PAPPA2: variants seen among roughly 807,000 people sequenced by gnomAD.
PAPPA2 encodes the protein pappalysin 2.
In PAPPA2, 86 loss-of-function variants were observed where a neutral mutation model predicts 176.4. The observed-to-expected ratio is 0.49, with a 90% CI of 0.41 to 0.58. The LOEUF (loss-of-function observed/expected upper bound fraction) is 0.58. Ranked by LOEUF, PAPPA2 falls within the 20% of genes least tolerant of loss-of-function variation. PAPPA2 has a pLI of 0.00. For synonymous variants in PAPPA2, 809 were observed against 852.2 expected (o/e 0.95, Z 0.88); for missense variants, 2,073 against 2,256.9 (o/e 0.92, Z 1.65).
chr1:176,760,776 A>G (rs911724920), intron 14 of PAPPA2, among the ~76,000 whole-genome samples: 5 of 152,118 alleles, frequency 3.3e-5, no homozygotes, highest in Non-Finnish European at 7.4e-5. Context: ...ATACATTTTG[A>G]ACAAAAATTC....
intron 8 of PAPPA2, among the ~76,000 whole-genome samples, chr1:176,701,636 A>T (rs1292720584): frequency 6.6e-6 from 1 of 152,166 alleles, no homozygotes; most frequent in African/African-American, 2.4e-5. Flanking sequence ...GCATCAGCTG[A>T]GGGAGTGGAG....
At chr1:176,526,058 C>CACTATA (rs1649486634) in intron 1 of PAPPA2, among the ~76,000 whole-genome samples, 1 of 152,144 alleles carries the variant, frequency 6.6e-6, no homozygotes, top group African/African-American at 2.4e-5. Context: ...TACCCTGTTG[C>CACTATA]CTCTCCTTGG....
intron 1 of PAPPA2, among the ~76,000 whole-genome samples, chr1:176,496,351 G>A (rs898883021): frequency 6.6e-6 from 1 of 152,108 alleles, no homozygotes; most frequent in Admixed American, 6.6e-5. Context: ...TTACATAGAG[G>A]TTTGAGGGGC....
intron 1 of PAPPA2, among the ~76,000 whole-genome samples, chr1:176,537,086 C>G (rs1292041216): frequency 6.6e-6 from 1 of 152,166 alleles, no homozygotes; most frequent in Non-Finnish European, 1.5e-5. Context: ...CCATTCATGG[C>G]CCCATTGAGG....
chr1:176,489,970 C>T (rs987183404), intron 1 of PAPPA2, among the ~76,000 whole-genome samples: 7 of 152,204 alleles, frequency 4.6e-5, no homozygotes, highest in East Asian at 1.9e-4. Flanking sequence ...ATTTGTGAAA[C>T]GACTTCAGAC....
At chr1:176,653,664 C>A (rs917919281) in intron 3 of PAPPA2, among the ~76,000 whole-genome samples, 2 of 151,578 alleles carry the variant, frequency 1.3e-5, no homozygotes, top group African/African-American at 2.4e-5. Flanking sequence ...CCCTTTCCTC[C>A]TTATAATCTT....
intron 3 of PAPPA2, 21 bp from the exon 4 acceptor site, chr1:176,670,949 T>C (rs756757122): frequency 2.5e-6 from 4 of 1,612,908 alleles, no homozygotes; most frequent in South Asian, 1.1e-5. Context: ...GTGACATTTT[T>C]TCATCTTGCA....
At chr1:176,842,269 G>A in intron 22 of PAPPA2, 111 bp from the exon 23 acceptor site, 1 of 935,926 alleles carries the variant, frequency 1.1e-6, no homozygotes, top group Admixed American at 2.2e-5. Context: ...TGTGATATTG[G>A]CACATAATTC....
At chr1:176,673,979 A>G (rs2102778951) in intron 4 of PAPPA2, among the ~76,000 whole-genome samples, 1 of 152,262 alleles carries the variant, frequency 6.6e-6, no homozygotes, top group East Asian at 1.9e-4. Flanking sequence ...AGAGAAATGG[A>G]AATCACAAAA....
chr1:176,749,356 A>G (rs998083245), intron 14 of PAPPA2, among the ~76,000 whole-genome samples: 5 of 152,176 alleles, frequency 3.3e-5, no homozygotes, highest in Admixed American at 6.5e-5. Flanking sequence ...CATACACCCA[A>G]TGATCCCACC....
At chr1:176,756,357 G>C (rs1263393493) in intron 14 of PAPPA2, among the ~76,000 whole-genome samples, 1 of 152,182 alleles carries the variant, frequency 6.6e-6, no homozygotes, top group African/African-American at 2.4e-5. Flanking sequence ...GGAGGGGCTG[G>C]TTCTGCTGTC....
chr1:176,783,089 G>A (rs892247269), intron 17 of PAPPA2, among the ~76,000 whole-genome samples: 1 of 152,120 alleles, frequency 6.6e-6, no homozygotes, highest in African/African-American at 2.4e-5. Flanking sequence ...ACGGAGTTGG[G>A]GATGGTTGAG....
intron 3 of PAPPA2, among the ~76,000 whole-genome samples, chr1:176,669,812 G>A (rs1388738040): frequency 2.6e-5 from 4 of 152,078 alleles, no homozygotes; most frequent in East Asian, 1.9e-4. Context: ...GAAATAGATG[G>A]CATCAACAAT....
intron 2 of PAPPA2, among the ~76,000 whole-genome samples, chr1:176,557,964 T>C (rs1445058485): frequency 1.3e-5 from 2 of 152,196 alleles, no homozygotes; most frequent in Non-Finnish European, 2.9e-5. Flanking sequence ...GGAGCACTGG[T>C]CTGGGAACAT....
rs542816174 is a variant in PAPPA2, at chr1:176,563,345, C to T, written c.919+6104C>T. 5.9e-5 allele frequency among the ~76,000 whole-genome samples: 9 copies of T among 152,300 alleles called. No homozygotes were observed. In the East Asian group the frequency reaches 1.7e-3, roughly 29 times the overall value. On this transcript the variant is annotated intron_variant, in intron 2 of 22. Coordinates refer to ENST00000367662, the MANE Select transcript of PAPPA2 (RefSeq NM_020318.3). Reference sequence around the variant, plus strand: ...TTTCCACCTTCAATAGGAGCATCCCCTCCCTTACCTGTTTCATGTGAAGGA... The same window carrying T: ...TTTCCACCTTCAATAGGAGCATCCCTTCCCTTACCTGTTTCATGTGAAGGA...
Position 176,710,023 on chromosome 1 carries a change from A to G in PAPPA2, c.3498A>G (p.Ile1166Met). ...GCTACATGTATGAGGGAGATGGCATATGTGAACCTTTTGAGAGAAAAACCA... is the reference window on the plus strand; with the variant it reads ...GCTACATGTATGAGGGAGATGGCATGTGTGAACCTTTTGAGAGAAAAACCA... ...SLCYMYEGDG[I>M]CEPFERKTSI... Residue 1166 changes from isoleucine (I) to methionine (M), a missense_variant, in exon 11 of 23, where the codon ATA (isoleucine) becomes ATG (methionine). This residue lies in a region of PAPPA2 where 846 missense variants were observed against 857.9 expected (regional missense o/e 0.99). Coordinates refer to ENST00000367662, the MANE Select transcript of PAPPA2 (RefSeq NM_020318.3). 1 of 1,613,544 alleles carries G rather than the reference A, an allele frequency of 6.2e-7. No individual in the cohort carries two copies. The highest frequency in any genetic ancestry group is 8.5e-7 in the Non-Finnish European group (1 of 1,179,636).
chr1:176,670,237 C>A (rs1448639884), intron 3 of PAPPA2, among the ~76,000 whole-genome samples: 1 of 152,160 alleles, frequency 6.6e-6, no homozygotes, highest in Middle Eastern at 3.2e-3. Flanking sequence ...TTATAAGCCA[C>A]AAGTCATGTG....
intron 2 of PAPPA2, among the ~76,000 whole-genome samples, chr1:176,564,277 T>C (rs1317798076): frequency 6.6e-6 from 1 of 152,136 alleles, no homozygotes; most frequent in Non-Finnish European, 1.5e-5. Flanking sequence ...GAGTCCAAGC[T>C]CTTGAGCCCA....
chr1:176,540,872 C>T (rs544109899), intron 1 of PAPPA2, among the ~76,000 whole-genome samples: 2 of 152,274 alleles, frequency 1.3e-5, no homozygotes, highest in East Asian at 3.9e-4. Flanking sequence ...ACCATGGCTT[C>T]TGAGTTCTTA....
Sources: gnomAD v4.1 joint callset for allele counts (sites outside exome capture counted in the v4.1 genomes callset) on GRCh38, gnomAD v4.1.1 for gene constraint, gnomAD v4.1.1 regional missense constraint, MANE v1.5 for transcripts, NCBI Gene and HGNC (gene_info 2026-07-23, HGNC 2026-07-21) for gene names.